AGBL4: variants seen among roughly 807,000 people sequenced by gnomAD.
The protein encoded by AGBL4 is cytosolic carboxypeptidase 6.
A neutral mutation model predicts 66.4 loss-of-function variants in AGBL4; 58 were observed. The ratio of observed to expected loss-of-function variants is 0.87; its 90% CI spans 0.71 to 1.09. The LOEUF is 1.09. Among genes scored for constraint, AGBL4 ranks in the 50% least tolerant of loss-of-function variants. The pLI, the probability that AGBL4 is intolerant of heterozygous loss-of-function variation, is 0.00. For synonymous variants in AGBL4, 234 were observed against 222.9 expected, an observed-to-expected ratio of 1.05 and a Z score of -0.44; for missense variants, 579 against 631.0, an observed-to-expected ratio of 0.92 and a Z score of 0.88.
intron 5 of AGBL4, among the ~76,000 whole-genome samples, chr1:48,948,607 T>G (rs980196297): frequency 6.6e-6 from 1 of 152,212 alleles, no homozygotes; most frequent in Non-Finnish European, 1.5e-5. Flanking sequence ...TATCATCTAT[T>G]TTTTACCCTC....
At chr1:48,774,229 C>T (rs764088630) in intron 6 of AGBL4, among the ~76,000 whole-genome samples, 40 of 152,336 alleles carry the variant, frequency 2.6e-4, no homozygotes, top group Non-Finnish European at 4.6e-4. Context: ...CTCCTCACAC[C>T]TGGTGCCATA....
intron 6 of AGBL4, among the ~76,000 whole-genome samples, chr1:48,664,208 G>T (rs908072476): frequency 6.6e-6 from 1 of 152,182 alleles, no homozygotes; most frequent in Non-Finnish European, 1.5e-5. Context: ...GCTCCAGAGA[G>T]GGGGAAGCAC....
chr1:49,805,669 A>G (rs1210955352), intron 2 of AGBL4, among the ~76,000 whole-genome samples: 4 of 152,230 alleles, frequency 2.6e-5, no homozygotes, highest in African/African-American at 4.8e-5. Context: ...AAACCTAATC[A>G]GCAATGTGAT....
At chr1:49,168,842 G>A (rs1646680579) in intron 4 of AGBL4, among the ~76,000 whole-genome samples, 1 of 152,142 alleles carries the variant, frequency 6.6e-6, no homozygotes, top group Admixed American at 6.6e-5. Context: ...TCTCCTTAGT[G>A]GCTCATTCTG....
intron 3 of AGBL4, among the ~76,000 whole-genome samples, chr1:49,501,411 C>T (rs149308918): frequency 7.6e-4 from 116 of 152,212 alleles, no homozygotes; most frequent in African/African-American, 1.9e-3. Context: ...TGGAGCTACA[C>T]GTTAGTCCTG....
chr1:49,417,035 T>C (rs1479980704), intron 3 of AGBL4, among the ~76,000 whole-genome samples: 2 of 152,092 alleles, frequency 1.3e-5, no homozygotes, highest in Non-Finnish European at 2.9e-5. Flanking sequence ...TCACCCACTG[T>C]ATTCTGTGTT....
At chr1:48,726,110 T>C (rs543994474) in intron 6 of AGBL4, among the ~76,000 whole-genome samples, 4 of 152,332 alleles carry the variant, frequency 2.6e-5, no homozygotes, top group African/African-American at 9.6e-5. Context: ...CCAGATCCCA[T>C]AATCATTAAC....
intron 5 of AGBL4, among the ~76,000 whole-genome samples, chr1:48,969,781 A>G (rs1000116735): frequency 3.3e-5 from 5 of 152,174 alleles, no homozygotes; most frequent in African/African-American, 1.2e-4. Context: ...AATCTACCCT[A>G]TAGGATTGCT....
intron 2 of AGBL4, among the ~76,000 whole-genome samples, chr1:49,709,474 G>T (rs1034064990): frequency 1.3e-5 from 2 of 152,132 alleles, no homozygotes; most frequent in African/African-American, 4.8e-5. Flanking sequence ...TCAAGCCAGA[G>T]AATCTAGGAA....
intron 7 of AGBL4, among the ~76,000 whole-genome samples, chr1:48,658,476 C>T (rs914216289): frequency 1.3e-5 from 2 of 152,226 alleles, no homozygotes; most frequent in Non-Finnish European, 2.9e-5. Context: ...AGACCCCTGT[C>T]TGCCCTCAGC....
At chr1:49,049,741 A>C (rs1014798690) in intron 4 of AGBL4, among the ~76,000 whole-genome samples, 2 of 152,098 alleles carry the variant, frequency 1.3e-5, no homozygotes, top group African/African-American at 2.4e-5. Flanking sequence ...TAGAAGCTTT[A>C]GGGGATAAAG....
At chr1:49,968,760 C>T (rs1208707958) in intron 1 of AGBL4, among the ~76,000 whole-genome samples, 2 of 152,104 alleles carry the variant, frequency 1.3e-5, no homozygotes, top group African/African-American at 2.4e-5. Flanking sequence ...CAGTTTGGAA[C>T]ATGAAAGGGA....
At chr1:48,911,327 T>C (rs1219861605) in intron 5 of AGBL4, among the ~76,000 whole-genome samples, 1 of 152,082 alleles carries the variant, frequency 6.6e-6, no homozygotes, top group Non-Finnish European at 1.5e-5. Context: ...TTAGAAATCA[T>C]AAGGACCTGG....
At chr1:48,588,861 G>GAAGAGAAGAGAAGAGAAGA (rs1557810283) in intron 10 of AGBL4, among the ~76,000 whole-genome samples, 6 of 68,112 alleles carry the variant, frequency 8.8e-5, no homozygotes, top group African/African-American at 2.4e-4. Flanking sequence ...AGAAGAGAAG[G>GAAGAGAAGAGAAGAGAAGA]GAAGAGAAGA....
chr1:49,957,910 A>T (rs1345188005), intron 1 of AGBL4, among the ~76,000 whole-genome samples: 4 of 152,094 alleles, frequency 2.6e-5, no homozygotes, highest in Non-Finnish European at 5.9e-5. Flanking sequence ...TGATGATGTT[A>T]GCTGGTTATT....
chr1:49,521,891 T>C (rs942907091), intron 3 of AGBL4, among the ~76,000 whole-genome samples: 6 of 138,252 alleles, frequency 4.3e-5, no homozygotes, highest in African/African-American at 1.3e-4. Flanking sequence ...ATGAGAACAA[T>C]AGACATTGGA....
At chr1:48,862,523 G>A (rs1176295463) in intron 6 of AGBL4, among the ~76,000 whole-genome samples, 2 of 151,938 alleles carry the variant, frequency 1.3e-5, no homozygotes, top group African/African-American at 2.4e-5. Flanking sequence ...GGGCTTCACC[G>A]TGTTAGCCAG....
intron 7 of AGBL4, among the ~76,000 whole-genome samples, chr1:48,658,767 C>T (rs1382714152): frequency 6.6e-6 from 1 of 152,076 alleles, no homozygotes; most frequent in Non-Finnish European, 1.5e-5. Context: ...GTCACTACCT[C>T]ATTGACAGGA....
chr1:49,432,829 G>A (rs1645816490), intron 3 of AGBL4, among the ~76,000 whole-genome samples: 1 of 152,162 alleles, frequency 6.6e-6, no homozygotes, highest in African/African-American at 2.4e-5. Context: ...ATGGTCTAGA[G>A]CACTTGGATA....
Sources: allele counts gnomAD v4.1 joint callset (sites outside exome capture counted in the v4.1 genomes callset), GRCh38; gene constraint gnomAD v4.1.1; transcripts MANE v1.5; gene names NCBI Gene and HGNC (gene_info 2026-07-23, HGNC 2026-07-21).